The following DMD variants were observed in gnomAD, a reference collection of about 807,000 sequenced individuals.
DMD encodes dystrophin.
In DMD, 63 loss-of-function variants were observed where a neutral mutation model predicts 330.1. That is an observed-to-expected ratio of 0.19 (90% CI 0.16 to 0.24). The LOEUF (loss-of-function observed/expected upper bound fraction) is 0.24, where lower values mean the gene tolerates loss of function less well. Ranked by LOEUF, DMD falls within the 10% of genes least tolerant of loss-of-function variation. The probability of loss-of-function intolerance (pLI) is 1.00; values close to 1 mark genes in which losing one functional copy is unlikely to be tolerated. For synonymous variants in DMD, 1,223 were observed against 959.8 expected, an observed-to-expected ratio of 1.27 and a Z score of -5.07; for missense variants, 3,344 against 2,684.1, an observed-to-expected ratio of 1.25 and a Z score of -5.43.
chrX:32,344,839 G>A (rs970958823), intron 39 of DMD, among the ~76,000 whole-genome samples: 1 of 111,645 alleles, frequency 9.0e-6, no homozygotes, highest in Non-Finnish European at 1.9e-5. Flanking sequence ...TTGGAAGGGT[G>A]TGAGTTACAT....
In DMD at chrX:32,464,643, C is replaced by T; in HGVS notation, c.3219G>A (p.Glu1073=). Reference sequence around the variant, plus strand: ...CTGAATCCCCAAGGGCAGGCCATTCCTCCTTCAGAAAAACATCAACTTCAG... The same window carrying T: ...CTGAATCCCCAAGGGCAGGCCATTCTTCCTTCAGAAAAACATCAACTTCAG... The part of the protein sequence containing the change: ...WMAEVDVFLK[E]EWPALGDSEI... The change falls in exon 24 of 79, where the codon GAG becomes GAA. Residue 1073 remains glutamate (E), a synonymous_variant. Transcript: ENST00000357033. 2 of 1,210,877 alleles carry T rather than the reference C, an allele frequency of 1.7e-6. No individual in the cohort carries two copies. Among genetic ancestry groups the T allele is most frequent in the Non-Finnish European group, 2.2e-6 (2 of 894,733 alleles).
intron 44 of DMD, among the ~76,000 whole-genome samples, chrX:31,988,413 G>C (rs1374937652): frequency 1.1e-5 from 1 of 91,188 alleles, no homozygotes; most frequent in African/African-American, 4.4e-5. Flanking sequence ...AGTGGAGCTT[G>C]CAGTGAGCCG....
intron 47 of DMD, among the ~76,000 whole-genome samples, chrX:31,905,067 A>G (rs2094463209): frequency 8.9e-6 from 1 of 111,750 alleles, no homozygotes; most frequent in African/African-American, 3.2e-5. Context: ...CAATGTCAGA[A>G]AGAAGAAATC....
chrX:31,812,445 A>AT (rs1481674644), intron 50 of DMD, among the ~76,000 whole-genome samples: 3 of 104,188 alleles, frequency 2.9e-5, no homozygotes, highest in Non-Finnish European at 5.9e-5. Flanking sequence ...GAGGGATAGC[A>AT]TTAGGAGATA....
At chrX:32,335,862 C>T (rs944394609) in intron 41 of DMD, among the ~76,000 whole-genome samples, 1 of 103,411 alleles carries the variant, frequency 9.7e-6, no homozygotes, top group Non-Finnish European at 2.0e-5. Flanking sequence ...TTATATTCAA[C>T]GTTATATGTG....
intron 41 of DMD, among the ~76,000 whole-genome samples, chrX:32,337,812 T>A (rs1032780928): frequency 9.0e-6 from 1 of 111,378 alleles, no homozygotes; most frequent in Non-Finnish European, 1.9e-5. Flanking sequence ...TGCATTCTCC[T>A]AGTATTCTGT....
At position 32,793,576 on chromosome X, in the gene DMD, C is replaced by T. The variant is rs778511011; in HGVS notation, c.649+15917G>A. 9.1e-5 allele frequency among the ~76,000 whole-genome samples: 10 copies of T among 109,829 alleles called. No homozygotes were observed. The South Asian group carries it at 1.5e-3, about 17-fold the overall frequency. ...AAAGACTCAAAATCATAAATGAAGA[C>T]GGAGACATTACAACTGATACCATAG... On this transcript the variant is annotated intron_variant, in intron 7 of 78. Coordinates refer to ENST00000357033, the MANE Select transcript of DMD (RefSeq NM_004006.3).
chrX:32,850,993 T>C (rs771921022), intron 2 of DMD, among the ~76,000 whole-genome samples: 3 of 111,747 alleles, frequency 2.7e-5, no homozygotes, highest in African/African-American at 9.7e-5. Context: ...CATGTAACAG[T>C]GGGAGCTCTC....
chrX:31,892,763 T>A (rs755970085), intron 47 of DMD, among the ~76,000 whole-genome samples: 5 of 112,048 alleles, frequency 4.5e-5, no homozygotes, highest in African/African-American at 1.6e-4. Flanking sequence ...GAAAAAGGTA[T>A]GGTAAACCTA....
At chrX:31,850,962 T>C (rs2149553503) in intron 48 of DMD, among the ~76,000 whole-genome samples, 1 of 112,430 alleles carries the variant, frequency 8.9e-6, no homozygotes, top group South Asian at 3.6e-4. Context: ...TGCTAAAAAG[T>C]GTAGCAAGAA....
At chrX:31,266,792 G>C in intron 62 of DMD, 2 of 1,196,363 alleles carry the variant, frequency 1.7e-6, no homozygotes, top group Non-Finnish European at 2.3e-6. Context: ...GACGGGGCCG[G>C]GGCCGCGATC....
chrX:31,861,638 CTGTGTGTGTG>C (rs1556949987), intron 48 of DMD, among the ~76,000 whole-genome samples: 7 of 83,106 alleles, frequency 8.4e-5, no homozygotes, highest in African/African-American at 1.9e-4. Context: ...AAATAATCAC[CTGTGTGTGTG>C]TGTGTGTGTG....
intron 1 of DMD, among the ~76,000 whole-genome samples, chrX:33,231,717 AG>A (rs2148882238): frequency 8.9e-6 from 1 of 111,811 alleles, no homozygotes; most frequent in South Asian, 3.7e-4. Flanking sequence ...AGTCAAGTGA[AG>A]GAAGTAGGAT....
At chrX:32,851,833 A>G (rs1253794139) in intron 2 of DMD, among the ~76,000 whole-genome samples, 1 of 111,874 alleles carries the variant, frequency 8.9e-6, no homozygotes, top group Non-Finnish European at 1.9e-5. Context: ...AGAATTCATC[A>G]AGCGCACATA....
intron 1 of DMD, among the ~76,000 whole-genome samples, chrX:33,319,092 C>A (rs1229587986): frequency 9.1e-6 from 1 of 109,576 alleles, no homozygotes; most frequent in African/African-American, 3.3e-5. Context: ...GACACAGCAA[C>A]AAGGTACCAT....
chrX:33,081,009 A>ACAC (rs1475097752), intron 1 of DMD, among the ~76,000 whole-genome samples: 227 of 88,071 alleles, frequency 2.6e-3, no homozygotes, highest in African/African-American at 0.01. Flanking sequence ...CACACACACA[A>ACAC]AAACACATGT....
chrX:31,262,044 G>T (rs1053746942), intron 62 of DMD, among the ~76,000 whole-genome samples: 1 of 112,456 alleles, frequency 8.9e-6, no homozygotes, highest in Non-Finnish European at 1.9e-5. Flanking sequence ...ACAGAAAGAG[G>T]AGTCTGGAGA....
chrX:33,071,267 A>G (rs1003396987), intron 1 of DMD, among the ~76,000 whole-genome samples: 11 of 110,074 alleles, frequency 1.0e-4, no homozygotes, highest in African/African-American at 3.6e-4. Flanking sequence ...CCTGGCCAAC[A>G]TGGTGAAACC....
rs1164212867 is a variant in DMD, at chrX:32,148,259, CAATT to C, written c.6438+68653_6438+68656del. Among the ~76,000 whole-genome samples, 6 of 111,146 alleles carry C rather than the reference CAATT, an allele frequency of 5.4e-5. No individual in the cohort carries two copies. In the East Asian group the frequency reaches 1.7e-3, roughly 31 times the overall value. ...CATCTACCTTACTATTTAGAAGACT[CAATT>C]AATCCATGTAAGTTACTTAGACCTG... is the stretch of plus-strand genomic sequence containing the variant. On this transcript the variant is annotated intron_variant, in intron 44 of 78. Transcript: ENST00000357033.
Sources: allele counts gnomAD v4.1 joint callset (sites outside exome capture counted in the v4.1 genomes callset), GRCh38; gene constraint gnomAD v4.1.1; transcripts MANE v1.5; gene names NCBI Gene and HGNC (gene_info 2026-07-23, HGNC 2026-07-21).